The following PPARD variants were observed in gnomAD, a reference collection of about 807,000 sequenced individuals.
The protein encoded by PPARD is peroxisome proliferator activated receptor delta.
Under a neutral mutation model 39.5 loss-of-function variants are expected in PPARD, and 6 were observed. That is an observed-to-expected ratio of 0.15 (90% CI 0.08 to 0.30). The LOEUF (loss-of-function observed/expected upper bound fraction) is 0.30, where lower values mean the gene tolerates loss of function less well. PPARD is among the 10% of genes least tolerant of loss of function. The probability of loss-of-function intolerance (pLI) is 1.00; values close to 1 mark genes in which losing one functional copy is unlikely to be tolerated. For missense variants in PPARD, 397 were observed against 596.8 expected (o/e 0.67, Z 3.49); for synonymous variants, 210 against 231.3 (o/e 0.91, Z 0.83).
chr6:35,388,057 T>C (rs995983480), intron 2 of PPARD, among the ~76,000 whole-genome samples: 1 of 151,432 alleles, frequency 6.6e-6, no homozygotes, highest in Non-Finnish European at 1.5e-5. Context: ...TTTTTTGTTG[T>C]ACATATGATG....
chr6:35,385,091 A>T (rs1170899854), intron 2 of PPARD, among the ~76,000 whole-genome samples: 1 of 145,238 alleles, frequency 6.9e-6, no homozygotes, highest in African/African-American at 2.7e-5. Flanking sequence ...CCTACTGGGA[A>T]GTGAGGAGCC....
chr6:35,420,322 G>A, intron 4 of PPARD, 41 bp downstream of exon 4: 1 of 1,520,154 alleles, frequency 6.6e-7, no homozygotes, highest in Non-Finnish European at 8.8e-7. Flanking sequence ...CTGAGGCTGT[G>A]GTCACATGGT....
chr6:35,354,195 G>A (rs1398008025), intron 2 of PPARD, among the ~76,000 whole-genome samples: 1 of 125,440 alleles, frequency 8.0e-6, no homozygotes, highest in African/African-American at 3.2e-5. Flanking sequence ...GCATGCCACT[G>A]CATTCCAGCC....
chr6:35,416,405 A>G, intron 3 of PPARD, among the ~76,000 whole-genome samples: 1 of 108,440 alleles, frequency 9.2e-6, no homozygotes, highest in South Asian at 3.2e-4. Context: ...AAAAAAAAAA[A>G]AAAAACACCT....
chr6:35,348,811 G>A (rs1192511227), intron 2 of PPARD: 1 of 985,320 alleles, frequency 1.0e-6, no homozygotes, highest in East Asian at 1.1e-4. Flanking sequence ...GAAGGGGGGA[G>A]TTTCAGAGAC....
intron 2 of PPARD, among the ~76,000 whole-genome samples, chr6:35,383,936 GT>G (rs1369325181): frequency 7.9e-6 from 1 of 127,222 alleles, no homozygotes; most frequent in Non-Finnish European, 1.5e-5. Context: ...CGGGAGGGAG[GT>G]GGGGGGGGTC....
At chr6:35,352,865 A>G (rs181806309) in intron 2 of PPARD, among the ~76,000 whole-genome samples, 8 of 152,302 alleles carry the variant, frequency 5.3e-5, no homozygotes, top group Admixed American at 2.6e-4. Flanking sequence ...AGAAATGTCA[A>G]TGTTTCTCAT....
chr6:35,421,710 G>T, intron 4 of PPARD, 110 bp from the exon 5 acceptor site: 2 of 1,231,140 alleles, frequency 1.6e-6, no homozygotes, highest in Non-Finnish European at 1.1e-6. Context: ...ATTTCTTCTC[G>T]TTACTTCCAA....
chr6:35,382,820 G>T (rs993669041), intron 2 of PPARD, among the ~76,000 whole-genome samples: 4 of 152,200 alleles, frequency 2.6e-5, no homozygotes, highest in Admixed American at 6.5e-5. Context: ...GTCAAATTTT[G>T]ATCCTGTGGA....
chr6:35,412,189 C>G lies in PPARD; in HGVS notation c.130+972C>G, dbSNP rs1362584107. On this transcript the variant is annotated intron_variant, in intron 3 of 7. Transcript: ENST00000360694. The surrounding 1 kb of genome is among the most constrained non-coding windows in gnomAD (Gnocchi z 4.1). ...CAAGCAATCCACCCACCTCAGCCTC[C>G]CAAAGTGCTGGGATTACAAGCAGGA... 1.3e-5 allele frequency among the ~76,000 whole-genome samples: 2 copies of G among 152,148 alleles called. No individual in the cohort carries two copies. Among genetic ancestry groups the G allele is most frequent in the Non-Finnish European group, 2.9e-5 (2 of 68,030 alleles).
intron 2 of PPARD, among the ~76,000 whole-genome samples, chr6:35,384,326 G>T (rs1328357251): frequency 2.9e-5 from 4 of 139,118 alleles, no homozygotes; most frequent in Non-Finnish European, 6.2e-5. Flanking sequence ...TCAGCCTCCC[G>T]CCCGGCCAGC....
At chr6:35,345,223 AT>A (rs1165623804) in intron 1 of PPARD, among the ~76,000 whole-genome samples, 1 of 152,168 alleles carries the variant, frequency 6.6e-6, no homozygotes, top group Non-Finnish European at 1.5e-5. Flanking sequence ...GGTAGTCATG[AT>A]TGTCAATTAC....
intron 2 of PPARD, among the ~76,000 whole-genome samples, chr6:35,355,595 CTTCTTTTTTTTTTTTTT>C (rs1761547035): frequency 2.0e-5 from 1 of 50,444 alleles, no homozygotes; most frequent in African/African-American, 7.2e-5. Flanking sequence ...TCTTCTTCTT[CTTCTTTTTTTTTTTTTT>C]TTTTTTTTTT....
At chr6:35,360,789 T>C (rs1025813656) in intron 2 of PPARD, among the ~76,000 whole-genome samples, 2 of 152,260 alleles carry the variant, frequency 1.3e-5, no homozygotes, top group Non-Finnish European at 2.9e-5. Context: ...ATCCCCGATT[T>C]ATTTTTAGAG....
intron 2 of PPARD, among the ~76,000 whole-genome samples, chr6:35,354,777 T>TA (rs1349320060): frequency 2.6e-5 from 4 of 152,200 alleles, no homozygotes; most frequent in Non-Finnish European, 2.9e-5. Context: ...TTACATATAT[T>TA]ACATGCGTTT....
At chr6:35,395,989 GGTAGGCT>G (rs1195973951) in intron 2 of PPARD, among the ~76,000 whole-genome samples, 2 of 152,046 alleles carry the variant, frequency 1.3e-5, no homozygotes, top group African/African-American at 2.4e-5. Flanking sequence ...ACGGAAGCTG[GGTAGGCT>G]CCATGGAAGA....
At chr6:35,371,830 G>A (rs990961087) in intron 2 of PPARD, among the ~76,000 whole-genome samples, 9 of 152,194 alleles carry the variant, frequency 5.9e-5, no homozygotes, top group Non-Finnish European at 1.2e-4. Flanking sequence ...GCCTGGCCTT[G>A]TTGGTCTCTG....
At position 35,343,772 on chromosome 6, in the gene PPARD, A is replaced by G. The variant is rs1792005386; in HGVS notation, c.-186+1091A>G. Among the ~76,000 whole-genome samples, 8 of 152,062 alleles carry G rather than the reference A, an allele frequency of 5.3e-5. No homozygotes were observed. The South Asian group carries it at 1.7e-3, about 32-fold the overall frequency. On this transcript the variant is annotated intron_variant, in intron 1 of 7. Transcript: ENST00000360694. ...CACGGGTAGCCGGAGGCTTTGTCCA[A>G]TTCTTTTCCCCTTCCAGGAACCGGG... is the stretch of plus-strand genomic sequence containing the variant.
chr6:35,381,165 T>TCTCCTC (rs1459479600), intron 2 of PPARD, among the ~76,000 whole-genome samples: 1 of 152,056 alleles, frequency 6.6e-6, no homozygotes, highest in Non-Finnish European at 1.5e-5. Flanking sequence ...CTTTTCAGTG[T>TCTCCTC]CTCCTCCTCC....
Sources: gnomAD v4.1 joint callset for allele counts (sites outside exome capture counted in the v4.1 genomes callset) on GRCh38, gnomAD v4.1.1 for gene constraint, Gnocchi (gnomAD v3.1) non-coding constraint, MANE v1.5 for transcripts, NCBI Gene and HGNC (gene_info 2026-07-23, HGNC 2026-07-21) for gene names.